Variants in APBB1IP observed in about 807,000 individuals in gnomAD.
APBB1IP encodes the protein amyloid beta precursor protein binding family B member 1 interacting protein, also known as amyloid beta A4 precursor protein-binding family B member 1-interacting protein.
Under a neutral mutation model 64.9 loss-of-function variants are expected in APBB1IP, and 27 were observed. The ratio of observed to expected loss-of-function variants is 0.42; its 90% CI spans 0.31 to 0.57. The LOEUF (loss-of-function observed/expected upper bound fraction) is 0.57. Ranked by LOEUF, APBB1IP falls within the 20% of genes least tolerant of loss-of-function variation. APBB1IP has a pLI of 0.20. For synonymous variants in APBB1IP, 392 were observed against 331.0 expected, an observed-to-expected ratio of 1.18 and a Z score of -2.00; for missense variants, 812 against 845.5, an observed-to-expected ratio of 0.96 and a Z score of 0.49.
At position 26,498,728 on chromosome 10, in the gene APBB1IP, T is replaced by C. The variant is rs191950116; in HGVS notation, c.161-2091T>C. On this transcript the variant is annotated intron_variant, in intron 4 of 14. Transcript: ENST00000376236. The stretch of plus-strand genomic sequence containing the variant: ...ACTAACTCAGTGCCTGGTATCACAG[T>C]ACTGACAATGATAGGAGCAATGATA... 1.3e-4 allele frequency among the ~76,000 whole-genome samples: 20 copies of C among 152,276 alleles called. 1 individual carries two copies. The highest frequency in any genetic ancestry group is 1.3e-3 in the Admixed American group (20 of 15,302).
At chr10:26,539,496 G>A (rs1836670989) in intron 10 of APBB1IP, among the ~76,000 whole-genome samples, 1 of 151,382 alleles carries the variant, frequency 6.6e-6, no homozygotes, top group Admixed American at 6.6e-5. Context: ...GGGAAGGAAG[G>A]AAGGAAGAAA....
Position 26,524,974 on chromosome 10 carries a change from T to TTTTTTTTTTTTTTA in APBB1IP, c.814-8465_814-8464insTTTTTTTTTTTTTA, listed in dbSNP as rs1554778195. On this transcript the variant is annotated intron_variant, in intron 8 of 14. Coordinates refer to ENST00000376236, the MANE Select transcript of APBB1IP (RefSeq NM_019043.4). ...TTCTTTCTTTTTTTTTTTTTTTTTT[T>TTTTTTTTTTTTTTA]ATAAAAAAAGGAATCCTGGCAAGAG... 4.7e-4 allele frequency among the ~76,000 whole-genome samples: 59 copies of TTTTTTTTTTTTTTA among 126,730 alleles called. 4 individuals are homozygous for TTTTTTTTTTTTTTA. Among genetic ancestry groups the TTTTTTTTTTTTTTA allele is most frequent in the Middle Eastern group, 3.8e-3 (1 of 262 alleles). The allele number at this position is 126,730 out of a possible 152,430, so 83.1% of individuals were successfully genotyped here.
chr10:26,541,421 C>G (rs1472309391), intron 10 of APBB1IP, among the ~76,000 whole-genome samples, 161 bp from the exon 11 acceptor site: 2 of 152,132 alleles, frequency 1.3e-5, no homozygotes, highest in East Asian at 3.8e-4. Context: ...TTCAGACTTG[C>G]CTTTGAGAAA....
At chr10:26,557,428 A>G (rs1206332146) in intron 11 of APBB1IP, among the ~76,000 whole-genome samples, 1 of 152,242 alleles carries the variant, frequency 6.6e-6, no homozygotes. Context: ...AGTGACCTAC[A>G]TAGAGAATAC....
chr10:26,472,925 A>G (rs1835736561), intron 2 of APBB1IP, among the ~76,000 whole-genome samples: 1 of 140,782 alleles, frequency 7.1e-6, no homozygotes, highest in Non-Finnish European at 1.5e-5. Flanking sequence ...CGACAGGGGG[A>G]GACTTCATCA....
Position 26,562,423 on chromosome 10 carries a change from A to T in APBB1IP, c.1467A>T (p.Thr489=). Residue 489 remains threonine (T), a synonymous_variant, in exon 14 of 15, where the codon ACA becomes ACT. Coordinates refer to ENST00000376236, the MANE Select transcript of APBB1IP (RefSeq NM_019043.4). The stretch of plus-strand genomic sequence containing the variant: ...AAGAGGCCCAGAGACATGCTGAAAC[A>T]TCGAAGGTAAAACCAGCAAGCAGCT... ...VLQEAQRHAE[T]SKDKKPALGN... is the part of the protein sequence containing the mutation. The T allele has an allele frequency of 1.2e-6, 2 of 1,613,578 alleles. No homozygotes were observed. Among genetic ancestry groups the T allele is most frequent in the Non-Finnish European group, 1.7e-6 (2 of 1,179,618 alleles).
At chr10:26,559,009 A>G (rs1836932597) in intron 11 of APBB1IP, among the ~76,000 whole-genome samples, 1 of 152,184 alleles carries the variant, frequency 6.6e-6, no homozygotes, top group Non-Finnish European at 1.5e-5. Context: ...GGCAGCACAT[A>G]GCAGTTAAGA....
At chr10:26,454,782 A>C (rs1835503994) in intron 2 of APBB1IP, among the ~76,000 whole-genome samples, 1 of 152,214 alleles carries the variant, frequency 6.6e-6, no homozygotes, top group South Asian at 2.1e-4. Context: ...ATTCTCCATG[A>C]TGCAATTATG....
intron 2 of APBB1IP, among the ~76,000 whole-genome samples, chr10:26,466,846 A>T (rs1564352401): frequency 6.6e-6 from 1 of 152,106 alleles, no homozygotes; most frequent in Non-Finnish European, 1.5e-5. Context: ...TGAAGTGGGA[A>T]GATTGCTTGA....
chr10:26,494,685 C>T (rs976727358), intron 3 of APBB1IP, among the ~76,000 whole-genome samples: 6 of 152,026 alleles, frequency 3.9e-5, no homozygotes, highest in Admixed American at 2.0e-4. Flanking sequence ...ATTAGCCGAG[C>T]GTGGTGGTGG....
chr10:26,439,327 T>C (rs529764063), intron 2 of APBB1IP, among the ~76,000 whole-genome samples: 16 of 152,302 alleles, frequency 1.1e-4, no homozygotes, highest in African/African-American at 3.4e-4. Context: ...TGGCTCGCAG[T>C]CTGATGCATC....
At position 26,566,996 on chromosome 10, in the gene APBB1IP, G is replaced by T; in HGVS notation, c.1509G>T (p.Pro503=). ...CAGCCCTCGGGAACCACCACGACCC[G>T]GCAGTGCCCCGGGCCCCGCACGCCC... The part of the protein sequence containing the change: ...KKPALGNHHD[P]AVPRAPHAPK... Residue 503 remains proline (P), a synonymous_variant, in exon 15 of 15, where the codon CCG becomes CCT. Transcript: ENST00000376236. 5 of 1,579,536 alleles carry T rather than the reference G, an allele frequency of 3.2e-6. No individual in the cohort carries two copies. The highest frequency in any genetic ancestry group is 4.3e-6 in the Non-Finnish European group (5 of 1,171,876).
chr10:26,455,670 G>C (rs1468610026), intron 2 of APBB1IP, among the ~76,000 whole-genome samples: 1 of 150,810 alleles, frequency 6.6e-6, no homozygotes. Flanking sequence ...TGATTCAGCT[G>C]TTTAGAGTTT....
intron 2 of APBB1IP, among the ~76,000 whole-genome samples, chr10:26,491,284 G>GA (rs928296366): frequency 4.7e-5 from 7 of 149,644 alleles, no homozygotes; most frequent in East Asian, 2.0e-4. Context: ...TCTAAAAAAA[G>GA]AAAAAAAAAG....
chr10:26,559,622 C>CT (rs368290752), intron 11 of APBB1IP, among the ~76,000 whole-genome samples: 2,787 of 135,160 alleles, frequency 0.021, 81 homozygotes, highest in African/African-American at 0.054. Context: ...TTCTTTCTTT[C>CT]TTTTTTTTTT....
chr10:26,527,439 C>A, intron 8 of APBB1IP, among the ~76,000 whole-genome samples: 1 of 151,192 alleles, frequency 6.6e-6, no homozygotes, highest in East Asian at 2.0e-4. Flanking sequence ...CCCAGCTACT[C>A]AAGAGGCTGA....
At chr10:26,563,084 G>A (rs1836994357) in intron 14 of APBB1IP, among the ~76,000 whole-genome samples, 1 of 152,146 alleles carries the variant, frequency 6.6e-6, no homozygotes, top group Non-Finnish European at 1.5e-5. Context: ...TTAAACCCAT[G>A]GGATTTTACT....
At chr10:26,511,070 G>T (rs1836252161) in intron 6 of APBB1IP, among the ~76,000 whole-genome samples, 1 of 152,132 alleles carries the variant, frequency 6.6e-6, no homozygotes, top group Non-Finnish European at 1.5e-5. Flanking sequence ...GCCAGGTGTG[G>T]TGGCTCACAC....
chr10:26,466,178 C>A (rs1249107821), intron 2 of APBB1IP, among the ~76,000 whole-genome samples: 1 of 152,208 alleles, frequency 6.6e-6, no homozygotes, highest in Non-Finnish European at 1.5e-5. Context: ...CCTTCTACAG[C>A]CCCTCCGGGT....
Sources: gnomAD v4.1 joint callset for allele counts (sites outside exome capture counted in the v4.1 genomes callset) on GRCh38, gnomAD v4.1.1 for gene constraint, MANE v1.5 for transcripts, NCBI Gene and HGNC (gene_info 2026-07-23, HGNC 2026-07-21) for gene names.